The following TMEM132D variants were observed in gnomAD, a reference collection of about 807,000 sequenced individuals.
TMEM132D encodes mature OL transmembrane protein.
In TMEM132D, 21 loss-of-function variants were observed where a neutral mutation model predicts 62.3. The ratio of observed to expected loss-of-function variants is 0.34; its 90% CI spans 0.24 to 0.49. The LOEUF is 0.49. TMEM132D is among the 20% of genes least tolerant of loss of function. The pLI is 0.99. For missense variants in TMEM132D, 1,346 were observed against 1,402.8 expected, an observed-to-expected ratio of 0.96 and a Z score of 0.65; for synonymous variants, 621 against 575.6, an observed-to-expected ratio of 1.08 and a Z score of -1.13.
intron 3 of TMEM132D, among the ~76,000 whole-genome samples, chr12:129,433,868 G>A (rs1222533084): frequency 6.6e-6 from 1 of 152,170 alleles, no homozygotes; most frequent in Non-Finnish European, 1.5e-5. Flanking sequence ...GAGTTACTGG[G>A]CCTGAAGAGA....
chr12:129,463,811 T>A (rs1379841902), intron 3 of TMEM132D, among the ~76,000 whole-genome samples: 1 of 152,058 alleles, frequency 6.6e-6, no homozygotes, highest in Non-Finnish European at 1.5e-5. Context: ...AACTCATCAT[T>A]TTTTATGGCT....
At chr12:129,653,943 T>C (rs980916233) in intron 2 of TMEM132D, among the ~76,000 whole-genome samples, 55 of 152,220 alleles carry the variant, frequency 3.6e-4, no homozygotes, top group African/African-American at 1.3e-3. Flanking sequence ...CCAGGTTACA[T>C]TGAGTCTTCC....
At position 129,190,082 on chromosome 12, in the gene TMEM132D, A is replaced by G. The variant is rs374581411; in HGVS notation, c.1443+19438T>C. On this transcript the variant is annotated intron_variant, in intron 5 of 8. Transcript: ENST00000422113. ...TCTTGGGACGGCCTGCAGATGGAGGAAGGGAGTCTCAGGCTTGCAGATGGA... is the reference window on the plus strand; with the variant it reads ...TCTTGGGACGGCCTGCAGATGGAGGGAGGGAGTCTCAGGCTTGCAGATGGA... Among the ~76,000 whole-genome samples the G allele has an allele frequency of 8.0e-3, 1,008 of 125,326 alleles. 19 individuals carry two copies. Among genetic ancestry groups the G allele is most frequent in the African/African-American group, 0.019 (634 of 33,358 alleles). 82.2% of individuals were successfully genotyped at this position (125,326 alleles called of 152,430 possible). A position where few individuals can be genotyped will look rare whatever the true frequency, so the allele number is the denominator to read the frequency against.
At chr12:129,447,009 C>G (rs1873118041) in intron 3 of TMEM132D, among the ~76,000 whole-genome samples, 1 of 152,162 alleles carries the variant, frequency 6.6e-6, no homozygotes, top group Non-Finnish European at 1.5e-5. Context: ...CTAAAACAAG[C>G]TAATCTGCAG....
chr12:129,864,615 G>A (rs547803275), intron 1 of TMEM132D, among the ~76,000 whole-genome samples: 7 of 152,320 alleles, frequency 4.6e-5, no homozygotes, highest in East Asian at 1.9e-4. Flanking sequence ...AGCCACTCCC[G>A]AGGACAGCAG....
intron 3 of TMEM132D, among the ~76,000 whole-genome samples, chr12:129,426,545 C>T (rs1313947606): frequency 3.9e-5 from 6 of 152,180 alleles, no homozygotes; most frequent in Admixed American, 1.3e-4. Context: ...CTAGAACTAT[C>T]TCAGGAATCT....
intron 4 of TMEM132D, among the ~76,000 whole-genome samples, chr12:129,240,303 G>A (rs913759738): frequency 6.6e-6 from 1 of 151,984 alleles, no homozygotes; most frequent in Non-Finnish European, 1.5e-5. Flanking sequence ...CCAATTTATT[G>A]CTAATATAAG....
At chr12:129,495,645 C>G (rs1342934481) in intron 3 of TMEM132D, among the ~76,000 whole-genome samples, 2 of 152,162 alleles carry the variant, frequency 1.3e-5, no homozygotes, top group African/African-American at 2.4e-5. Context: ...GCTGCTCCCA[C>G]CACTCCCCTC....
At chr12:129,616,672 C>T (rs1354640553) in intron 2 of TMEM132D, among the ~76,000 whole-genome samples, 1 of 152,158 alleles carries the variant, frequency 6.6e-6, no homozygotes, top group African/African-American at 2.4e-5. Flanking sequence ...TTGCTGCCGC[C>T]ATGTGAAGAA....
At chr12:129,458,238 G>C (rs1463899602) in intron 3 of TMEM132D, among the ~76,000 whole-genome samples, 2 of 152,088 alleles carry the variant, frequency 1.3e-5, no homozygotes, top group Non-Finnish European at 2.9e-5. Flanking sequence ...CTGAGTTCTT[G>C]ACTGCAACAA....
intron 3 of TMEM132D, among the ~76,000 whole-genome samples, chr12:129,374,269 C>CAGAGAGACAGAGAGAGAGAGAGAGAG: frequency 6.9e-6 from 1 of 144,266 alleles, no homozygotes; most frequent in South Asian, 2.3e-4. Flanking sequence ...CCTCACACAT[C>CAGAGAGACAGAGAGAGAGAGAGAGAG]AGAGAGAGAG....
chr12:129,247,530 C>T (rs1295598201), intron 4 of TMEM132D, among the ~76,000 whole-genome samples: 1 of 152,194 alleles, frequency 6.6e-6, no homozygotes, highest in African/African-American at 2.4e-5. Context: ...GCTTTCTCAC[C>T]TGTAATAGTG....
intron 3 of TMEM132D, among the ~76,000 whole-genome samples, chr12:129,486,559 T>C (rs902892961): frequency 9.9e-5 from 15 of 152,144 alleles, no homozygotes; most frequent in African/African-American, 2.9e-4. Context: ...ATAAATAAGA[T>C]AATAATGATA....
At chr12:129,351,850 A>G (rs1227888846) in intron 3 of TMEM132D, among the ~76,000 whole-genome samples, 2 of 152,234 alleles carry the variant, frequency 1.3e-5, no homozygotes, top group African/African-American at 2.4e-5. Flanking sequence ...ACTTGGAGTT[A>G]AGAACAACCC....
chr12:129,771,556 C>G (rs10847942), intron 1 of TMEM132D, among the ~76,000 whole-genome samples: 9 of 152,170 alleles, frequency 5.9e-5, no homozygotes, highest in Admixed American at 5.9e-4. Context: ...GGGCCATGTA[C>G]GTGCTTTGGA....
intron 3 of TMEM132D, among the ~76,000 whole-genome samples, chr12:129,502,405 TAGTC>T (rs1349456295): frequency 6.6e-6 from 1 of 152,224 alleles, no homozygotes; most frequent in Non-Finnish European, 1.5e-5. Context: ...ACTTAGCTGA[TAGTC>T]AGAACTGCAG....
chr12:129,488,527 A>T (rs1490120997), intron 3 of TMEM132D, among the ~76,000 whole-genome samples: 1 of 152,086 alleles, frequency 6.6e-6, no homozygotes, highest in Non-Finnish European at 1.5e-5. Flanking sequence ...ACAAAAAAAT[A>T]GCTGGGTGTG....
chr12:129,538,256 T>A (rs1252625794), intron 2 of TMEM132D, among the ~76,000 whole-genome samples: 1 of 152,236 alleles, frequency 6.6e-6, no homozygotes, highest in East Asian at 1.9e-4. Context: ...AAGCTATCCA[T>A]AATTTAGTCA....
intron 1 of TMEM132D, among the ~76,000 whole-genome samples, chr12:129,872,517 T>C (rs1027498028): frequency 6.6e-6 from 1 of 152,180 alleles, no homozygotes; most frequent in Non-Finnish European, 1.5e-5. Context: ...CGTTAAGAAC[T>C]AATGTTCTAT....
Sources: allele counts gnomAD v4.1 joint callset (sites outside exome capture counted in the v4.1 genomes callset), GRCh38; gene constraint gnomAD v4.1.1; transcripts MANE v1.5; gene names NCBI Gene and HGNC (gene_info 2026-07-23, HGNC 2026-07-21).